ADGRE3: variants seen among roughly 807,000 people sequenced by gnomAD.
ADGRE3 encodes adhesion G protein-coupled receptor E3, also known as EGF-like module receptor 3.
In ADGRE3, 88 loss-of-function variants were observed where a neutral mutation model predicts 80.1. That is an observed-to-expected ratio of 1.10 (90% confidence interval 0.93 to 1.31). The LOEUF (loss-of-function observed/expected upper bound fraction) is 1.31. ADGRE3 is among the 40% of genes most tolerant of loss of function. The pLI is 0.00. For missense variants in ADGRE3, 715 were observed against 776.5 expected, an observed-to-expected ratio of 0.92 and a Z score of 0.94; for synonymous variants, 281 against 294.8, an observed-to-expected ratio of 0.95 and a Z score of 0.48.
chr19:14,601,785 A>AATT, the ADGRE3 span, among the ~76,000 whole-genome samples: 6 of 151,558 alleles, frequency 4.0e-5, no homozygotes, highest in African/African-American at 4.9e-5. Context: ...GTACCCAGCA[A>AATT]ATTATTATTA....
intron 2 of ADGRE3, among the ~76,000 whole-genome samples, chr19:14,664,082 G>C (rs796998668): frequency 2.0e-5 from 3 of 152,262 alleles, no homozygotes; most frequent in African/African-American, 7.2e-5. Flanking sequence ...GAGTGGCCAG[G>C]CGTGGTGGCT....
chr19:14,647,722 G>T (rs545102883), intron 7 of ADGRE3, among the ~76,000 whole-genome samples: 2 of 150,936 alleles, frequency 1.3e-5, no homozygotes, highest in East Asian at 2.0e-4. Flanking sequence ...CCGGTCTGCC[G>T]TTTTTTAGAA....
chr19:14,601,370 C>T, the ADGRE3 span, among the ~76,000 whole-genome samples: 3 of 152,150 alleles, frequency 2.0e-5, no homozygotes, highest in African/African-American at 2.4e-5. Context: ...GTCTCACCTC[C>T]GTGCAACCAG....
At position 14,639,656 on chromosome 19, in the gene ADGRE3, T is replaced by A. The variant is rs547433609; in HGVS notation, c.1249-1316A>T. ...GCCTCAAACGCCTGGCCTCAAGTGATCTTTCCACCATTGCCTCCCAGTGTG... is the reference window on the plus strand; with the variant it reads ...GCCTCAAACGCCTGGCCTCAAGTGAACTTTCCACCATTGCCTCCCAGTGTG... On this transcript the variant is annotated intron_variant, in intron 10 of 15. Coordinates refer to ENST00000253673, the MANE Select transcript of ADGRE3 (RefSeq NM_032571.5). 6.6e-5 allele frequency among the ~76,000 whole-genome samples: 10 copies of A among 152,238 alleles called. No individual in the cohort carries two copies. The East Asian group carries it at 1.9e-3, about 29-fold the overall frequency.
chr19:14,639,808 C>T (rs1002037877), intron 10 of ADGRE3, among the ~76,000 whole-genome samples: 2 of 152,122 alleles, frequency 1.3e-5, no homozygotes, highest in East Asian at 1.9e-4. Flanking sequence ...GCAGGACATA[C>T]GTTTTTGTAC....
chr19:14,630,211 G>C lies in ADGRE3; in HGVS notation c.1644-4C>G. 3 of 1,596,796 alleles carry C rather than the reference G, an allele frequency of 1.9e-6. No individual in the cohort carries two copies. The highest frequency in any genetic ancestry group is 2.6e-6 in the Non-Finnish European group (3 of 1,170,676). On this transcript the variant is annotated splice_polypyrimidine_tract_variant and splice_region_variant and intron_variant, in intron 13 of 15. Transcript: ENST00000253673. ...TGTTGCTTTGAAAGCCAGCATCCTG[G>C]GAGGAGGAAGTCAGAGATTAGGATG...
Position 14,644,206 on chromosome 19 carries a change from TG to T in ADGRE3, c.951del (p.Arg318GlyfsTer6). On this transcript the variant is annotated frameshift_variant, in exon 9 of 16. Coordinates refer to ENST00000253673, the MANE Select transcript of ADGRE3 (RefSeq NM_032571.5). LOFTEE classifies it high-confidence loss of function. ...WKSTGQGSQW[S>X]RDGCFLIHVN... The stretch of plus-strand genomic sequence containing the variant: ...ACGTGTATCAGGAAGCAGCCATCCC[TG>T]GACCACTGGCTGCCCTGCCCTGTGC... 6.2e-7 allele frequency: 1 copy of T among 1,608,586 alleles called. No individual in the cohort carries two copies. Among genetic ancestry groups the T allele is most frequent in the South Asian group, 1.1e-5 (1 of 90,216 alleles).
intron 8 of ADGRE3, among the ~76,000 whole-genome samples, chr19:14,645,466 T>C (rs774097099): frequency 6.6e-6 from 1 of 151,946 alleles, no homozygotes; most frequent in Non-Finnish European, 1.5e-5. Flanking sequence ...GGAGACCAGT[T>C]TGTCCAACAT....
At chr19:14,665,250 G>A (rs1011650460) in intron 2 of ADGRE3, among the ~76,000 whole-genome samples, 2 of 151,408 alleles carry the variant, frequency 1.3e-5, no homozygotes, top group Non-Finnish European at 2.9e-5. Context: ...TTTTAGTAGA[G>A]GCGGGGGTTT....
At position 14,668,817 on chromosome 19, in the gene ADGRE3, T is replaced by C; in HGVS notation, c.61A>G (p.Thr21Ala). 6.2e-7 allele frequency: 1 copy of C among 1,613,982 alleles called. No homozygotes were observed. Among genetic ancestry groups the C allele is most frequent in the Non-Finnish European group, 8.5e-7 (1 of 1,179,992 alleles). ...CFLLSLFGAV[T>A]QKTKTSCAKC... The stretch of plus-strand genomic sequence containing the variant: ...GAGCACTCACTTTTGGTTTTCTGAG[T>C]CACAGCTCCAAAGAGGCTCAGCAGA... Residue 21 changes from threonine to alanine, a missense_variant, in exon 2 of 16, where the codon ACT (threonine) becomes GCT (alanine). By Grantham distance (58) the Thr-to-Ala change is moderately conservative. Transcript: ENST00000253673.
chr19:14,656,357 AAAAAAAAAAAAAGAAAAG>A (rs1971762059), intron 5 of ADGRE3, among the ~76,000 whole-genome samples: 1 of 96,302 alleles, frequency 1.0e-5, no homozygotes, highest in Non-Finnish European at 2.0e-5. Flanking sequence ...CCATCTCAAA[AAAAAAAAAAAAAGAAAAG>A]AAAAAAAAAA....
At chr19:14,648,451 G>A (rs375381941) in intron 7 of ADGRE3, among the ~76,000 whole-genome samples, 114 of 152,270 alleles carry the variant, frequency 7.5e-4, no homozygotes, top group African/African-American at 2.7e-3. Flanking sequence ...GAATGGGACA[G>A]CTCAGTGAGA....
intron 1 of ADGRE3, among the ~76,000 whole-genome samples, chr19:14,671,664 C>T (rs1972260922): frequency 6.6e-6 from 1 of 152,090 alleles, no homozygotes; most frequent in South Asian, 2.1e-4. Context: ...AAGAAGATGC[C>T]AGGTCTGGTT....
intron 10 of ADGRE3, 33 bp from the exon 11 acceptor site, chr19:14,638,373 TG>T (rs140781719): frequency 6.4e-7 from 1 of 1,560,358 alleles, no homozygotes; most frequent in African/African-American, 1.4e-5. Flanking sequence ...CTGAAGGGGT[TG>T]TCAGGGTGGA....
Position 14,620,568 on chromosome 19 carries a change from A to AT in ADGRE3, c.1921-1098dup, listed in dbSNP as rs1189295641. On this transcript the variant is annotated intron_variant, in intron 15 of 15. Transcript: ENST00000253673. ...ATATATTATATATATATATATATAT[A>AT]TTTTTTTTTTTTTTTTTTTTTTTTT... Among the ~76,000 whole-genome samples, 102 of 11,052 alleles carry AT rather than the reference A, an allele frequency of 9.2e-3. 14 individuals are homozygous for AT. Among genetic ancestry groups the AT allele is most frequent in the Admixed American group, 0.014 (7 of 512 alleles). The allele number at this position is 11,052 out of a possible 152,430, so 7.3% of individuals were successfully genotyped here.
chr19:14,660,050 A>G (rs1971901702), intron 4 of ADGRE3, among the ~76,000 whole-genome samples: 1 of 152,016 alleles, frequency 6.6e-6, no homozygotes, highest in African/African-American at 2.4e-5. Context: ...TGTTATAGGA[A>G]ACCGTATTTA....
At chr19:14,630,278 T>C in intron 13 of ADGRE3, 71 bp from the exon 14 acceptor site, 1 of 1,297,172 alleles carries the variant, frequency 7.7e-7, no homozygotes, top group East Asian at 2.4e-5. Flanking sequence ...TCTAGTTAGC[T>C]GTTAATAGTA....
At chr19:14,639,508 A>C (rs1971188896) in intron 10 of ADGRE3, among the ~76,000 whole-genome samples, 1 of 151,906 alleles carries the variant, frequency 6.6e-6, no homozygotes, top group Non-Finnish European at 1.5e-5. Flanking sequence ...GGGTTCAAGC[A>C]ATCTTCCTGC....
intron 11 of ADGRE3, among the ~76,000 whole-genome samples, chr19:14,633,970 T>C (rs1568479720): frequency 6.6e-6 from 1 of 151,718 alleles, no homozygotes; most frequent in Non-Finnish European, 1.5e-5. Context: ...AGAGATGGGG[T>C]TTTGCCATGT....
Sources: allele counts gnomAD v4.1 joint callset (sites outside exome capture counted in the v4.1 genomes callset), GRCh38; gene constraint gnomAD v4.1.1; transcripts MANE v1.5; gene names NCBI Gene and HGNC (gene_info 2026-07-23, HGNC 2026-07-21).